The following GPC5 variants were observed in gnomAD, a reference collection of about 807,000 sequenced individuals.
GPC5 encodes the protein glypican 5.
In GPC5, 47 loss-of-function variants were observed where a neutral mutation model predicts 53.9. That is an observed-to-expected ratio of 0.87 (90% confidence interval 0.69 to 1.11). GPC5 has a LOEUF of 1.11. Ranked by LOEUF, GPC5 falls within the 50% of genes most tolerant of loss-of-function variation. The pLI is 0.00. For missense variants in GPC5, 748 were observed against 713.1 expected, an observed-to-expected ratio of 1.05 and a Z score of -0.56; for synonymous variants, 286 against 263.3, an observed-to-expected ratio of 1.09 and a Z score of -0.84.
intron 6 of GPC5, among the ~76,000 whole-genome samples, chr13:92,054,034 A>C (rs2041053251): frequency 2.6e-5 from 1 of 37,850 alleles, no homozygotes; most frequent in Non-Finnish European, 6.3e-5. Flanking sequence ...TTCCATTTCA[A>C]ATAAATAAAT....
chr13:91,456,154 G>A (rs184903161), intron 2 of GPC5, among the ~76,000 whole-genome samples: 85 of 152,134 alleles, frequency 5.6e-4, no homozygotes, highest in Admixed American at 1.1e-3. Context: ...AATACCCACC[G>A]CAGGGCTCTG....
At chr13:91,472,038 T>A (rs1882664786) in intron 2 of GPC5, among the ~76,000 whole-genome samples, 1 of 152,154 alleles carries the variant, frequency 6.6e-6, no homozygotes, top group Non-Finnish European at 1.5e-5. Flanking sequence ...CTCTATTATA[T>A]CTATTCAAAA....
intron 5 of GPC5, among the ~76,000 whole-genome samples, chr13:91,757,108 T>C (rs1381276914): frequency 6.6e-6 from 1 of 152,090 alleles, no homozygotes; most frequent in East Asian, 1.9e-4. Flanking sequence ...GATTGTACTT[T>C]CAAGCAATCT....
At chr13:92,610,892 G>A (rs1369963434) in intron 7 of GPC5, among the ~76,000 whole-genome samples, 1 of 151,504 alleles carries the variant, frequency 6.6e-6, no homozygotes, top group Non-Finnish European at 1.5e-5. Flanking sequence ...ACACATGGGG[G>A]AAAATATGGG....
At chr13:91,742,254 T>A (rs2036951148) in intron 4 of GPC5, among the ~76,000 whole-genome samples, 1 of 152,138 alleles carries the variant, frequency 6.6e-6, no homozygotes, top group Admixed American at 6.5e-5. Flanking sequence ...TGGCAAAAGT[T>A]CAGGCTAGTG....
intron 7 of GPC5, among the ~76,000 whole-genome samples, chr13:92,756,169 G>C (rs1478419083): frequency 6.6e-6 from 1 of 152,010 alleles, no homozygotes; most frequent in Non-Finnish European, 1.5e-5. Context: ...TGCAAGGCTG[G>C]TTCATTATAT....
chr13:91,572,238 C>CGTGTGTATATACACATATGTATATAT (rs2031946057), intron 2 of GPC5, among the ~76,000 whole-genome samples: 2 of 97,248 alleles, frequency 2.1e-5, no homozygotes, highest in Non-Finnish European at 3.8e-5. Context: ...TATGTATATA[C>CGTGTGTATATACACATATGTATATAT]ATGTGTATAT....
At chr13:92,148,164 CTATA>C (rs2041881901) in intron 7 of GPC5, among the ~76,000 whole-genome samples, 1 of 151,878 alleles carries the variant, frequency 6.6e-6, no homozygotes, top group African/African-American at 2.4e-5. Context: ...CTACATATAA[CTATA>C]TATAGTTGTG....
chr13:92,579,850 C>T (rs1883318930), intron 7 of GPC5, among the ~76,000 whole-genome samples: 1 of 152,130 alleles, frequency 6.6e-6, no homozygotes, highest in South Asian at 2.1e-4. Context: ...CTCTCTCTCT[C>T]TTTCTTTATC....
chr13:92,261,900 C>T (rs1364176003), intron 7 of GPC5, among the ~76,000 whole-genome samples: 1 of 152,084 alleles, frequency 6.6e-6, no homozygotes, highest in Non-Finnish European at 1.5e-5. Context: ...AGTGCAATGT[C>T]ATTTGTAAAT....
intron 7 of GPC5, among the ~76,000 whole-genome samples, chr13:92,431,673 G>C (rs1285079554): frequency 6.6e-6 from 1 of 152,094 alleles, no homozygotes; most frequent in African/African-American, 2.4e-5. Context: ...CATCGGAGAG[G>C]TTTAGCAGAG....
chr13:92,570,137 A>G (rs952080736), intron 7 of GPC5, among the ~76,000 whole-genome samples: 30 of 152,178 alleles, frequency 2.0e-4, no homozygotes, highest in African/African-American at 7.0e-4. Flanking sequence ...GTAATATTTG[A>G]CAATCATAAA....
chr13:92,407,709 T>G lies in GPC5; in HGVS notation c.1561+262720T>G, dbSNP rs889364073. On this transcript the variant is annotated intron_variant, in intron 7 of 7. Coordinates refer to ENST00000377067, the MANE Select transcript of GPC5 (RefSeq NM_004466.6). ...TGCATTTGGAAAATGCAAATTACTC[T>G]CAAACAAAATTCTTTTAAAGACTTG... 6.6e-5 allele frequency among the ~76,000 whole-genome samples: 10 copies of G among 152,200 alleles called. No homozygotes were observed. The South Asian group carries it at 1.5e-3, about 22-fold the overall frequency.
intron 7 of GPC5, among the ~76,000 whole-genome samples, chr13:92,396,790 A>G (rs1875299926): frequency 6.6e-6 from 1 of 152,194 alleles, no homozygotes; most frequent in Non-Finnish European, 1.5e-5. Context: ...GCTGTCTTGT[A>G]GAGGGCCTCT....
intron 7 of GPC5, among the ~76,000 whole-genome samples, chr13:92,826,787 G>A (rs1877864645): frequency 1.3e-5 from 2 of 152,162 alleles, no homozygotes; most frequent in East Asian, 3.9e-4. Context: ...GTGAGTTTAG[G>A]CAAGTTTCAT....
At chr13:91,527,916 G>T (rs1582104) in intron 2 of GPC5, among the ~76,000 whole-genome samples, 131,855 of 152,172 alleles carry the variant, frequency 0.87, 58,299 homozygotes, top group East Asian at 1. Context: ...GGGGCTGGGA[G>T]GCAGGGCACC....
intron 7 of GPC5, among the ~76,000 whole-genome samples, chr13:92,399,231 TACCTACTCTAAA>T (rs975285179): frequency 1.3e-5 from 2 of 152,184 alleles, no homozygotes; most frequent in African/African-American, 4.8e-5. Context: ...TAAATTAGGG[TACCTACTCTAAA>T]ACTCACATAA....
intron 2 of GPC5, among the ~76,000 whole-genome samples, chr13:91,462,925 A>G: frequency 1.3e-5 from 2 of 152,224 alleles, no homozygotes; most frequent in South Asian, 4.1e-4. Flanking sequence ...TATTTTAATG[A>G]AATTATATAT....
intron 7 of GPC5, among the ~76,000 whole-genome samples, chr13:92,333,883 A>G (rs2043304633): frequency 6.6e-6 from 1 of 152,152 alleles, no homozygotes; most frequent in African/African-American, 2.4e-5. Context: ...GGATACATAA[A>G]GTAGACAACA....
Sources: allele counts gnomAD v4.1 joint callset (sites outside exome capture counted in the v4.1 genomes callset), GRCh38; gene constraint gnomAD v4.1.1; transcripts MANE v1.5; gene names NCBI Gene and HGNC (gene_info 2026-07-23, HGNC 2026-07-21).